CEP85L: variants seen among roughly 807,000 people sequenced by gnomAD.
The protein encoded by CEP85L is centrosomal protein 85L.
In CEP85L, 60 loss-of-function variants were observed where a neutral mutation model predicts 100.3. The ratio of observed to expected loss-of-function variants is 0.60; its 90% CI spans 0.49 to 0.74. CEP85L has a LOEUF of 0.74. Among genes scored for constraint, CEP85L ranks in the 30% least tolerant of loss-of-function variants. The probability of loss-of-function intolerance (pLI) is 0.00; values close to 1 mark genes in which losing one functional copy is unlikely to be tolerated. For synonymous variants in CEP85L, 319 were observed against 322.7 expected (o/e 0.99, Z 0.12); for missense variants, 973 against 936.2 (o/e 1.04, Z -0.51).
chr6:118,687,739 G>A (rs1187825517), intron 1 of CEP85L, among the ~76,000 whole-genome samples: 1 of 152,124 alleles, frequency 6.6e-6, no homozygotes, highest in Non-Finnish European at 1.5e-5. Context: ...AGCTCGAGCT[G>A]AGCTTTTGCT....
At chr6:118,559,068 G>T in intron 3 of CEP85L, 1 of 1,611,692 alleles carries the variant, frequency 6.2e-7, no homozygotes, top group Non-Finnish European at 8.5e-7. Flanking sequence ...GTATCATCGT[G>T]ATGCTTCTCT....
chr6:118,537,007 C>T (rs1777631407), intron 3 of CEP85L, among the ~76,000 whole-genome samples: 1 of 152,064 alleles, frequency 6.6e-6, no homozygotes, highest in Admixed American at 6.6e-5. Flanking sequence ...GTAAAATATA[C>T]ATCTTGACAA....
Position 118,488,005 on chromosome 6 carries a change from CA to C in CEP85L, c.1437+3680del, listed in dbSNP as rs111625601. On this transcript the variant is annotated intron_variant, in intron 6 of 12. Coordinates refer to ENST00000368491, the MANE Select transcript of CEP85L (RefSeq NM_001042475.3). ...CCTGAAGCCTGAAGGATGCTAAGAA[CA>C]AAAAAAAAAATTAGTTAAACTAGTA... Among the ~76,000 whole-genome samples the C allele has an allele frequency of 7.9e-3, 1,148 of 144,752 alleles. 6 individuals carry two copies. Among genetic ancestry groups the C allele is most frequent in the Non-Finnish European group, 0.015 (958 of 65,488 alleles). 95.0% of individuals were successfully genotyped at this position (144,752 alleles called of 152,430 possible).
chr6:118,709,144 A>G (rs1384803239), intron 1 of CEP85L, among the ~76,000 whole-genome samples: 1 of 152,086 alleles, frequency 6.6e-6, no homozygotes, highest in East Asian at 1.9e-4. Flanking sequence ...GCTGTCATTT[A>G]AGGAAAACCC....
rs901821198 is a variant in CEP85L at position 118,697,248 on chromosome 6, G to C, written c.-28+12788C>G. Among the ~76,000 whole-genome samples, 19 of 152,288 alleles carry C rather than the reference G, an allele frequency of 1.2e-4. No homozygotes were observed. In the East Asian group the frequency reaches 3.5e-3, roughly 28 times the overall value. On this transcript the variant is annotated intron_variant, in intron 1 of 13. Coordinates refer to the CEP85L transcript ENST00000368488. ...CTGAAGTTTTGTTCACAAAGAAGGGGTATAGCTATTGGATTGACAACCAAT... is the reference window on the plus strand; with the variant it reads ...CTGAAGTTTTGTTCACAAAGAAGGGCTATAGCTATTGGATTGACAACCAAT...
At chr6:118,566,475 T>C (rs779448596) in intron 2 of CEP85L, among the ~76,000 whole-genome samples, 159 bp from the exon 3 acceptor site, 1 of 152,214 alleles carries the variant, frequency 6.6e-6, no homozygotes. Context: ...TGGAGTGCAG[T>C]GGCAAGATCT....
At chr6:118,666,436 T>C (rs568102855) in intron 1 of CEP85L, among the ~76,000 whole-genome samples, 1 of 152,326 alleles carries the variant, frequency 6.6e-6, no homozygotes, top group African/African-American at 2.4e-5. Context: ...ACTAACTCAA[T>C]ACTTATGCTC....
chr6:118,617,575 G>A (rs11153763), intron 2 of CEP85L, among the ~76,000 whole-genome samples: 72,753 of 152,014 alleles, frequency 0.48, 17,802 homozygotes, highest in Middle Eastern at 0.58. Context: ...CATACTTCCC[G>A]CCTCACATAT....
intron 1 of CEP85L, among the ~76,000 whole-genome samples, chr6:118,694,699 T>C (rs1258794755): frequency 6.6e-6 from 1 of 152,150 alleles, no homozygotes; most frequent in Non-Finnish European, 1.5e-5. Context: ...TTCATAGAAA[T>C]AAAGGTACAT....
At chr6:118,634,400 CATT>C (rs1398644273) in intron 1 of CEP85L, among the ~76,000 whole-genome samples, 2 of 152,098 alleles carry the variant, frequency 1.3e-5, no homozygotes, top group South Asian at 4.1e-4. Flanking sequence ...AACATTGTCA[CATT>C]ATTTTATTTA....
chr6:118,683,295 C>T (rs755748056), intron 1 of CEP85L, among the ~76,000 whole-genome samples: 9 of 152,322 alleles, frequency 5.9e-5, no homozygotes, highest in East Asian at 3.9e-4. Flanking sequence ...GACTTCCAAA[C>T]CAATCTTTGG....
intron 2 of CEP85L, among the ~76,000 whole-genome samples, chr6:118,600,397 T>C (rs965799837): frequency 1.5e-5 from 2 of 135,384 alleles, no homozygotes; most frequent in Non-Finnish European, 3.1e-5. Context: ...CTCAGCTCAC[T>C]GCAACCTCCG....
chr6:118,704,620 G>A (rs1045568512), intron 1 of CEP85L, among the ~76,000 whole-genome samples: 2 of 152,078 alleles, frequency 1.3e-5, no homozygotes, highest in Admixed American at 6.5e-5. Context: ...GCAGGCACCC[G>A]CCACCATGCC....
chr6:118,659,326 A>C (rs929439615), intron 1 of CEP85L, among the ~76,000 whole-genome samples: 1 of 152,218 alleles, frequency 6.6e-6, no homozygotes, highest in African/African-American at 2.4e-5. Flanking sequence ...TATGATATAC[A>C]TGAATCTATA....
chr6:118,598,745 G>T (rs1233209491), intron 2 of CEP85L, among the ~76,000 whole-genome samples: 2 of 152,176 alleles, frequency 1.3e-5, no homozygotes, highest in Non-Finnish European at 2.9e-5. Flanking sequence ...TATTTTTGTT[G>T]TTTAAGTCCT....
chr6:118,562,604 C>T (rs546278064), intron 3 of CEP85L, among the ~76,000 whole-genome samples: 7 of 152,248 alleles, frequency 4.6e-5, no homozygotes, highest in Non-Finnish European at 7.4e-5. Flanking sequence ...AAGCTATCCA[C>T]CCCCCATCAG....
intron 2 of CEP85L, among the ~76,000 whole-genome samples, chr6:118,595,402 C>G (rs556144308): frequency 4.6e-5 from 7 of 152,288 alleles, no homozygotes; most frequent in Non-Finnish European, 1.0e-4. Flanking sequence ...TCAAAATACC[C>G]TGGCTAAACG....
chr6:118,651,246 C>T lies in CEP85L; in HGVS notation c.24G>A (p.Pro8=), dbSNP rs1275314283. Residue 8 remains proline, a synonymous_variant, in exon 1 of 13, where the codon CCG becomes CCA. Coordinates refer to ENST00000368491, the MANE Select transcript of CEP85L (RefSeq NM_001042475.3). MWGRFLA[P]EASGRDSPGG... is the part of the protein sequence containing the mutation. ...CGGGGCTATCCCGGCCGCTGGCCTC[C>T]GGAGCCAGGAAGCGCCCCCACATCG... is the stretch of plus-strand genomic sequence containing the variant. 2.7e-6 allele frequency: 4 copies of T among 1,492,986 alleles called. No individual in the cohort carries two copies. The highest frequency in any genetic ancestry group is 2.9e-5 in the African/African-American group (2 of 68,786). 92.5% of individuals were successfully genotyped at this position (1,492,986 alleles called of 1,614,324 possible). A position where few individuals can be genotyped will look rare whatever the true frequency, so the allele number is the denominator to read the frequency against.
At chr6:118,603,806 C>G (rs928689885) in intron 2 of CEP85L, among the ~76,000 whole-genome samples, 2 of 152,190 alleles carry the variant, frequency 1.3e-5, no homozygotes, top group African/African-American at 4.8e-5. Context: ...CTTAAGAATA[C>G]CTGCTAGAGT....
Sources: gnomAD v4.1 joint callset for allele counts (sites outside exome capture counted in the v4.1 genomes callset) on GRCh38, gnomAD v4.1.1 for gene constraint, MANE v1.5 for transcripts, NCBI Gene and HGNC (gene_info 2026-07-23, HGNC 2026-07-21) for gene names.